The following ANKS1A variants were observed in gnomAD, a reference collection of about 807,000 sequenced individuals.
ANKS1A encodes ankyrin repeat and sterile alpha motif domain containing 1A.
Under a neutral mutation model 120.3 loss-of-function variants are expected in ANKS1A, and 55 were observed. The ratio of observed to expected loss-of-function variants is 0.46; its 90% CI spans 0.37 to 0.57. The LOEUF is 0.57. Ranked by LOEUF, ANKS1A falls within the 20% of genes least tolerant of loss-of-function variation. The pLI, the probability that ANKS1A is intolerant of heterozygous loss-of-function variation, is 0.00. For synonymous variants in ANKS1A, 590 were observed against 604.7 expected, an observed-to-expected ratio of 0.98 and a Z score of 0.36; for missense variants, 1,123 against 1,480.3, an observed-to-expected ratio of 0.76 and a Z score of 3.96.
chr6:34,970,854 A>G (rs183219930), intron 3 of ANKS1A, among the ~76,000 whole-genome samples: 2 of 152,098 alleles, frequency 1.3e-5, no homozygotes, highest in Admixed American at 6.5e-5. Context: ...AAAAATTAAA[A>G]AAAAAAAGGC....
intron 11 of ANKS1A, among the ~76,000 whole-genome samples, chr6:35,032,768 G>A (rs1467097865): frequency 6.6e-6 from 1 of 152,042 alleles, no homozygotes; most frequent in Non-Finnish European, 1.5e-5. Flanking sequence ...ATAAGGTAGA[G>A]CCCTTTTTTA....
At chr6:34,893,584 T>G (rs933609126) in intron 1 of ANKS1A, among the ~76,000 whole-genome samples, 4 of 152,230 alleles carry the variant, frequency 2.6e-5, no homozygotes, top group African/African-American at 9.6e-5. Context: ...GATTGCTAGA[T>G]GCACTGCAAA....
intron 1 of ANKS1A, among the ~76,000 whole-genome samples, chr6:34,945,989 T>A (rs534213610): frequency 2.7e-4 from 40 of 149,420 alleles, no homozygotes; most frequent in Middle Eastern, 3.4e-3. Flanking sequence ...ATTTATTTTT[T>A]TTTTTTTTTG....
At chr6:34,950,440 G>A (rs931044136) in intron 1 of ANKS1A, among the ~76,000 whole-genome samples, 1 of 151,926 alleles carries the variant, frequency 6.6e-6, no homozygotes, top group African/African-American at 2.4e-5. Context: ...TGTTGGCCGG[G>A]CTGGTCTTGA....
chr6:34,890,114 C>A (rs570537528), intron 1 of ANKS1A, among the ~76,000 whole-genome samples: 2 of 151,466 alleles, frequency 1.3e-5, no homozygotes, highest in East Asian at 3.9e-4. Context: ...TCCCTCGAGA[C>A]GGAGACTTGT....
chr6:35,018,942 G>A (rs1430483911), intron 11 of ANKS1A, among the ~76,000 whole-genome samples: 2 of 152,138 alleles, frequency 1.3e-5, no homozygotes, highest in Admixed American at 1.3e-4. Flanking sequence ...TGTCCTGGAA[G>A]GCCAAATACT....
intron 11 of ANKS1A, among the ~76,000 whole-genome samples, chr6:35,027,106 A>T (rs1462347628): frequency 6.6e-6 from 1 of 152,204 alleles, no homozygotes; most frequent in Non-Finnish European, 1.5e-5. Context: ...CAGGATCACG[A>T]AGCAAAGGGA....
chr6:35,060,226 G>A lies in ANKS1A; in HGVS notation c.2157G>A (p.Leu719=), dbSNP rs374483991. 1.4e-5 allele frequency: 22 copies of A among 1,612,292 alleles called. No individual in the cohort carries two copies. The African/African-American group carries it at 2.7e-4, about 20-fold the overall frequency. The part of the protein sequence containing the change: ...GLQQYESKLL[L]NGFDDVHFLG... ...AGCAGTATGAGAGCAAGTTGCTTCT[G>A]AATGGCTTTGACGATGTCCACTTCC... Residue 719 remains leucine, a synonymous_variant, in exon 13 of 24, where the codon CTG becomes CTA. Transcript: ENST00000360359. The surrounding 1 kb of genome is among the most constrained non-coding windows in gnomAD (Gnocchi z 4.5).
At position 35,083,994 on chromosome 6, in the gene ANKS1A, A is replaced by G. The variant is rs930807129; in HGVS notation, c.2995-127A>G. The G allele has an allele frequency of 7.0e-6, 10 of 1,419,414 alleles. No individual in the cohort carries two copies. The African/African-American group carries it at 1.3e-4, about 18-fold the overall frequency. 87.9% of individuals were successfully genotyped at this position (1,419,414 alleles called of 1,614,324 possible). On this transcript the variant is annotated intron_variant, in intron 20 of 23. Coordinates refer to ENST00000360359, the MANE Select transcript of ANKS1A (RefSeq NM_015245.3). ...CCCCACCAATAAACAAAATGAGAAGATGAAGGGGGGTTTGCTTGATGCTCT... is the reference window on the plus strand; with the variant it reads ...CCCCACCAATAAACAAAATGAGAAGGTGAAGGGGGGTTTGCTTGATGCTCT...
chr6:35,019,932 G>A (rs1388796921), intron 11 of ANKS1A, among the ~76,000 whole-genome samples: 1 of 152,146 alleles, frequency 6.6e-6, no homozygotes, highest in Admixed American at 6.5e-5. Context: ...ATTTGACATG[G>A]AATTAAAAGA....
chr6:35,094,785 C>A (rs1778408852), downstream of ANKS1A, among the ~76,000 whole-genome samples: 1 of 152,046 alleles, frequency 6.6e-6, no homozygotes, highest in Non-Finnish European at 1.5e-5. Context: ...TCTCAGGGAC[C>A]TGTGTGACCA....
rs75876951 is a variant in ANKS1A, at chr6:35,054,764, C to A, written c.2077+599C>A. Among the ~76,000 whole-genome samples the A allele has an allele frequency of 3.2e-4, 48 of 152,352 alleles. No individual in the cohort carries two copies. In the East Asian group the frequency reaches 8.7e-3, roughly 28 times the overall value. ...CAGCTTCTGTTCTCTTTGTTTGAAA[C>A]AGGGAATGGGGAGGCCATCTGAGCT... On this transcript the variant is annotated intron_variant, in intron 12 of 23. Coordinates refer to ENST00000360359, the MANE Select transcript of ANKS1A (RefSeq NM_015245.3).
In ANKS1A at chr6:34,895,780, C is replaced by CTTTTTTTTT. The variant is rs995285475; in HGVS notation, c.197+6198_197+6206dup. On this transcript the variant is annotated intron_variant, in intron 1 of 23. Coordinates refer to ENST00000360359, the MANE Select transcript of ANKS1A (RefSeq NM_015245.3). Reference sequence around the variant, plus strand: ...AAAATAGTTTTTCAAGAATGTCTTTCTTTTTTTTTTTTTTTTTTTTTTTTT... The same window carrying CTTTTTTTTT: ...AAAATAGTTTTTCAAGAATGTCTTTCTTTTTTTTTTTTTTTTTTTTTTTTTTTTTTTTTT... Among the ~76,000 whole-genome samples, 184 of 90,392 alleles carry CTTTTTTTTT rather than the reference C, an allele frequency of 2.0e-3. 9 individuals carry two copies. Among genetic ancestry groups the CTTTTTTTTT allele is most frequent in the African/African-American group, 3.6e-3 (80 of 21,936 alleles). The allele number at this position is 90,392 out of a possible 152,430, so 59.3% of individuals were successfully genotyped here.
intron 10 of ANKS1A, among the ~76,000 whole-genome samples, chr6:35,002,141 A>G (rs929207798): frequency 1.3e-5 from 2 of 152,196 alleles, no homozygotes; most frequent in African/African-American, 4.8e-5. Context: ...GAAGTTTGCA[A>G]CACCCTAAAC....
intron 1 of ANKS1A, among the ~76,000 whole-genome samples, chr6:34,954,360 T>C (rs1051973788): frequency 2.0e-5 from 3 of 151,488 alleles, no homozygotes; most frequent in Non-Finnish European, 4.4e-5. Flanking sequence ...TGTGCGTGCG[T>C]GTGTGTGTGT....
In ANKS1A at chr6:34,889,452, C is replaced by T. The variant is rs1399622416; in HGVS notation, c.50C>T (p.Pro17Leu). 1.6e-6 allele frequency: 2 copies of T among 1,287,598 alleles called. No individual in the cohort carries two copies. Among genetic ancestry groups the T allele is most frequent in the Non-Finnish European group, 2.0e-6 (2 of 1,021,612 alleles). The allele number at this position is 1,287,598 out of a possible 1,614,324, so 79.8% of individuals were successfully genotyped here. A position where few individuals can be genotyped will look rare whatever the true frequency, so the allele number is the denominator to read the frequency against. The change falls in exon 1 of 24, where the codon CCG (proline) becomes CTG (leucine). Residue 17 changes from proline (P) to leucine (L), a missense_variant. Coordinates refer to ENST00000360359, the MANE Select transcript of ANKS1A (RefSeq NM_015245.3). The surrounding 1 kb of genome is among the most constrained non-coding windows in gnomAD (Gnocchi z 5.5). ...GAGGCGGCCCGCACCGGGCACCTCC[C>T]GGCGGTGGAGAAGCTGCTGTCCGGG... ...LLEAARTGHL[P>L]AVEKLLSGKR...
At chr6:35,045,676 C>T (rs953764322) in intron 11 of ANKS1A, among the ~76,000 whole-genome samples, 1 of 152,198 alleles carries the variant, frequency 6.6e-6, no homozygotes, top group African/African-American at 2.4e-5. Flanking sequence ...ATGGCTAGTG[C>T]TGTGATCCAC....
chr6:34,974,431 T>C (rs1248789939), intron 3 of ANKS1A, among the ~76,000 whole-genome samples: 1 of 139,506 alleles, frequency 7.2e-6, no homozygotes, highest in East Asian at 2.4e-4. Context: ...TCCCCTTTCC[T>C]TTCTTTCTTT....
chr6:35,061,859 A>G (rs778158972), intron 13 of ANKS1A, among the ~76,000 whole-genome samples: 1 of 151,962 alleles, frequency 6.6e-6, no homozygotes, highest in Non-Finnish European at 1.5e-5. Flanking sequence ...CCTGGCTCGG[A>G]GTGTTGAGGG....
Sources: gnomAD v4.1 joint callset for allele counts (sites outside exome capture counted in the v4.1 genomes callset) on GRCh38, gnomAD v4.1.1 for gene constraint, Gnocchi (gnomAD v3.1) non-coding constraint, MANE v1.5 for transcripts, NCBI Gene and HGNC (gene_info 2026-07-23, HGNC 2026-07-21) for gene names.